The following GANC variants were observed in gnomAD, a reference collection of about 807,000 sequenced individuals.
GANC encodes glucosidase alpha, neutral C, also known as neutral alpha-glucosidase C.
Under a neutral mutation model 124.2 loss-of-function variants are expected in GANC, and 117 were observed. The ratio of observed to expected loss-of-function variants is 0.94; its 90% CI spans 0.81 to 1.10. The LOEUF is 1.10. Among genes scored for constraint, GANC ranks in the 50% least tolerant of loss-of-function variants. The probability of loss-of-function intolerance (pLI) is 0.00; values close to 1 mark genes in which losing one functional copy is unlikely to be tolerated. For missense variants in GANC, 1,140 were observed against 1,095.0 expected, an observed-to-expected ratio of 1.04 and a Z score of -0.58; for synonymous variants, 377 against 376.8, an observed-to-expected ratio of 1.00 and a Z score of -0.01.
intron 15 of GANC, among the ~76,000 whole-genome samples, chr15:42,332,520 A>G (rs1249687931): frequency 6.6e-6 from 1 of 152,178 alleles, no homozygotes; most frequent in Admixed American, 6.5e-5. Flanking sequence ...GTTAAGTCAT[A>G]TGCGATGATC....
At chr15:42,343,912 T>G (rs2052345389) in intron 19 of GANC, among the ~76,000 whole-genome samples, 1 of 152,048 alleles carries the variant, frequency 6.6e-6, no homozygotes, top group Non-Finnish European at 1.5e-5. Flanking sequence ...AGAGCATCCT[T>G]GAGCACGGGA....
intron 15 of GANC, among the ~76,000 whole-genome samples, chr15:42,331,557 C>A (rs1373249750): frequency 6.6e-6 from 1 of 152,198 alleles, no homozygotes; most frequent in African/African-American, 2.4e-5. Context: ...CCAGCCCTTA[C>A]TATCCTGTGG....
At position 42,330,583 on chromosome 15, in the gene GANC, C is replaced by G; in HGVS notation, c.1652C>G (p.Ala551Gly). The change falls in exon 15 of 24, where the codon GCT (alanine) becomes GGT (glycine). Residue 551 changes from alanine (A) to glycine (G), a missense_variant. Coordinates refer to ENST00000318010, the MANE Select transcript of GANC (RefSeq NM_198141.3). The stretch of plus-strand genomic sequence containing the variant: ...TCTTGTTTGGTGATATAGCAAATGG[C>G]TACTGCAGAAGGACTGATAAAACGA... Reference protein sequence around the residue: ...HNIYGFYHQMATAEGLIKRSK... With the variant: ...HNIYGFYHQMGTAEGLIKRSK... The G allele has an allele frequency of 6.2e-7, 1 of 1,611,930 alleles. No individual in the cohort carries two copies. Among genetic ancestry groups the G allele is most frequent in the Non-Finnish European group, 8.5e-7 (1 of 1,178,750 alleles).
intron 23 of GANC, 32 bp downstream of exon 23, chr15:42,351,464 T>G (rs530628255): frequency 6.8e-7 from 1 of 1,476,148 alleles, no homozygotes; most frequent in African/African-American, 1.4e-5. Context: ...ACCTCACCAT[T>G]TGTTTTTATA....
At chr15:42,323,939 A>G (rs576690892) in intron 11 of GANC, among the ~76,000 whole-genome samples, 3 of 152,346 alleles carry the variant, frequency 2.0e-5, no homozygotes, top group African/African-American at 7.2e-5. Context: ...TTTGACAGCC[A>G]GGCATGTGAG....
chr15:42,306,425 C>G (rs1324243403), intron 6 of GANC, 121 bp from the exon 7 acceptor site: 6 of 755,598 alleles, frequency 7.9e-6, no homozygotes, highest in African/African-American at 7.1e-5. Flanking sequence ...CACTGGTCTT[C>G]TAAAAGATGA....
chr15:42,295,543 G>A (rs542670687), intron 5 of GANC, among the ~76,000 whole-genome samples: 2 of 151,844 alleles, frequency 1.3e-5, no homozygotes, highest in South Asian at 2.1e-4. Flanking sequence ...AAACTGAAGA[G>A]CCATAAGGAA....
Position 42,340,766 on chromosome 15 carries a change from T to TG in GANC, c.2152+13dup. On this transcript the variant is annotated intron_variant, in intron 18 of 23. Coordinates refer to ENST00000318010, the MANE Select transcript of GANC (RefSeq NM_198141.3). Reference sequence around the variant, plus strand: ...TGAATACATGCTGGGTGAGCATTTCTGTTTTTTTTTTTTTTTTTGAGACGG... The same window carrying TG: ...TGAATACATGCTGGGTGAGCATTTCTGGTTTTTTTTTTTTTTTTTGAGACGG... 1.9e-6 allele frequency: 3 copies of TG among 1,570,818 alleles called. No homozygotes were observed. The highest frequency in any genetic ancestry group is 1.7e-6 in the Non-Finnish European group (2 of 1,164,964).
chr15:42,323,951 G>T (rs555956110), intron 11 of GANC, among the ~76,000 whole-genome samples: 143 of 152,288 alleles, frequency 9.4e-4, no homozygotes, highest in African/African-American at 3.2e-3. Context: ...GCATGTGAGG[G>T]TTCTAATAGT....
intron 15 of GANC, among the ~76,000 whole-genome samples, chr15:42,333,038 A>ATATATATT (rs760603238): frequency 1.2e-4 from 17 of 146,828 alleles, no homozygotes; most frequent in African/African-American, 4.0e-4. Context: ...ATATATATAT[A>ATATATATT]TTTTTTTTGG....
chr15:42,324,171 A>G (rs543820849), intron 11 of GANC, among the ~76,000 whole-genome samples: 2 of 152,328 alleles, frequency 1.3e-5, no homozygotes, highest in South Asian at 2.1e-4. Flanking sequence ...CAACAAGCAC[A>G]AGAAAAGATG....
chr15:42,332,167 A>G (rs1010002095), intron 15 of GANC, among the ~76,000 whole-genome samples: 2 of 152,196 alleles, frequency 1.3e-5, no homozygotes, highest in African/African-American at 4.8e-5. Flanking sequence ...TCAATTTTAT[A>G]AAAGATTAAT....
At position 42,348,092 on chromosome 15, in the gene GANC, C is replaced by G. The variant is rs2052381824; in HGVS notation, c.2305-11C>G. On this transcript the variant is annotated splice_polypyrimidine_tract_variant and intron_variant, in intron 20 of 23. Coordinates refer to ENST00000318010, the MANE Select transcript of GANC (RefSeq NM_198141.3). ...GAATACTGCTTCCCTGAGCGTGCTG[C>G]TCTGTTACAGATTCCAGTGTTTCAG... The G allele has an allele frequency of 1.3e-6, 2 of 1,510,530 alleles. No individual in the cohort carries two copies. The highest frequency in any genetic ancestry group is 3.7e-5 in the Admixed American group (2 of 54,170). The allele number at this position is 1,510,530 out of a possible 1,614,324, so 93.6% of individuals were successfully genotyped here. A position where few individuals can be genotyped will look rare whatever the true frequency, so the allele number is the denominator to read the frequency against.
chr15:42,314,280 G>A (rs1013785516), intron 10 of GANC: 16 of 636,600 alleles, frequency 2.5e-5, no homozygotes, highest in Non-Finnish European at 3.9e-5. Flanking sequence ...AGGAAAGGGG[G>A]CATTTTCTCA....
In GANC at chr15:42,273,218, T is replaced by G. The variant is rs776947137; in HGVS notation, c.-1264T>G. 6.2e-7 allele frequency: 1 copy of G among 1,610,642 alleles called. No individual in the cohort carries two copies. Among genetic ancestry groups the G allele is most frequent in the Non-Finnish European group, 8.5e-7 (1 of 1,177,330 alleles). On this transcript the variant is annotated 5_prime_UTR_variant, in exon 1 of 24. Transcript: ENST00000318010. The stretch of plus-strand genomic sequence containing the variant: ...GGGCCGCCGTAGCCCCACCCCTTGC[T>G]CCTCTAGGTTCAGACGTTAGTGAAG...
At position 42,310,424 on chromosome 15, in the gene GANC, G is replaced by A. The variant is rs369762885; in HGVS notation, c.864G>A (p.Ser288=). 9 of 1,613,296 alleles carry A rather than the reference G, an allele frequency of 5.6e-6. No homozygotes were observed. Among genetic ancestry groups the A allele is most frequent in the African/African-American group, 4.0e-5 (3 of 74,886 alleles). The change falls in exon 9 of 24, where the codon TCG becomes TCA. Residue 288 remains serine (S), a synonymous_variant. Coordinates refer to ENST00000318010, the MANE Select transcript of GANC (RefSeq NM_198141.3). ...TAGGTATTTTCTGGCTGAATGCCTC[G>A]GAAACACTGGTGGAGATCAATACAG... The part of the protein sequence containing the change: ...RTIGIFWLNA[S]ETLVEINTEP...
chr15:42,328,876 A>T (rs1178292312), intron 13 of GANC, among the ~76,000 whole-genome samples: 1 of 152,230 alleles, frequency 6.6e-6, no homozygotes, highest in Non-Finnish European at 1.5e-5. Context: ...TCAAAGTATT[A>T]GAGAGAAGGT....
At chr15:42,283,579 C>G (rs2051755071) in intron 3 of GANC, 1 of 695,038 alleles carries the variant, frequency 1.4e-6, no homozygotes, top group Non-Finnish European at 2.6e-6. Context: ...ATATAGGTGA[C>G]CATTTGGCAA....
At chr15:42,320,271 C>T (rs987015895) in intron 10 of GANC, among the ~76,000 whole-genome samples, 7 of 152,130 alleles carry the variant, frequency 4.6e-5, no homozygotes, top group Non-Finnish European at 7.4e-5. Flanking sequence ...GATACTCAAC[C>T]TACACTTGTT....
Sources: allele counts gnomAD v4.1 joint callset (sites outside exome capture counted in the v4.1 genomes callset), GRCh38; gene constraint gnomAD v4.1.1; transcripts MANE v1.5; gene names NCBI Gene and HGNC (gene_info 2026-07-23, HGNC 2026-07-21).